CAPSL: variants seen among roughly 807,000 people sequenced by gnomAD.
The protein encoded by CAPSL is calcyphosine like.
CAPSL carries 17 observed loss-of-function variants against 21.3 expected under a neutral mutation model. That is an observed-to-expected ratio of 0.80 (90% CI 0.55 to 1.20). The LOEUF is 1.20. CAPSL is among the 50% of genes most tolerant of loss of function. The pLI, the probability that CAPSL is intolerant of heterozygous loss-of-function variation, is 0.00. For missense variants in CAPSL, 289 were observed against 259.3 expected, an observed-to-expected ratio of 1.11 and a Z score of -0.79; for synonymous variants, 102 against 89.3, an observed-to-expected ratio of 1.14 and a Z score of -0.80.
chr5:35,913,804 T>C (rs1738296953), intron 2 of CAPSL, among the ~76,000 whole-genome samples: 1 of 152,134 alleles, frequency 6.6e-6, no homozygotes, highest in Non-Finnish European at 1.5e-5. Context: ...CATAAACTAA[T>C]GAGCAAAATA....
intron 4 of CAPSL, among the ~76,000 whole-genome samples, chr5:35,906,841 A>T (rs1199719785): frequency 1.3e-5 from 2 of 152,278 alleles, no homozygotes; most frequent in African/African-American, 4.8e-5. Context: ...TGGGCAAAAG[A>T]TAAAGGAAGC....
chr5:35,908,519 C>A (rs1044425851), intron 4 of CAPSL, among the ~76,000 whole-genome samples: 1 of 152,132 alleles, frequency 6.6e-6, no homozygotes, highest in African/African-American at 2.4e-5. Context: ...CTGAGGTTTC[C>A]CCTGGCAATG....
intron 2 of CAPSL, among the ~76,000 whole-genome samples, chr5:35,916,931 C>A (rs1305114093): frequency 1.3e-5 from 2 of 152,092 alleles, no homozygotes; most frequent in African/African-American, 4.8e-5. Flanking sequence ...AAGAGGCAAC[C>A]TACAGAAGGG....
At chr5:35,936,371 C>T (rs1026225598) in intron 1 of CAPSL, among the ~76,000 whole-genome samples, 7 of 152,096 alleles carry the variant, frequency 4.6e-5, no homozygotes, top group East Asian at 1.9e-4. Context: ...TTCATGAATC[C>T]GCTGTGGTCC....
intron 2 of CAPSL, among the ~76,000 whole-genome samples, chr5:35,913,859 T>C (rs1738298302): frequency 6.6e-6 from 1 of 152,080 alleles, no homozygotes; most frequent in Non-Finnish European, 1.5e-5. Context: ...AAGATAACAA[T>C]ATTAACCTGA....
At chr5:35,923,919 T>C (rs558250770) in intron 1 of CAPSL, among the ~76,000 whole-genome samples, 1 of 152,308 alleles carries the variant, frequency 6.6e-6, no homozygotes, top group South Asian at 2.1e-4. Context: ...ATAAAACCCA[T>C]GCACAGATGT....
At chr5:35,928,626 C>T (rs989153454) in intron 1 of CAPSL, among the ~76,000 whole-genome samples, 1 of 152,124 alleles carries the variant, frequency 6.6e-6, no homozygotes, top group African/African-American at 2.4e-5. Context: ...TCCCCCCCAC[C>T]CCCAGGAGAC....
chr5:35,937,531 G>A (rs929311328), intron 1 of CAPSL, among the ~76,000 whole-genome samples: 5 of 152,216 alleles, frequency 3.3e-5, no homozygotes, highest in Middle Eastern at 3.4e-3. Flanking sequence ...ATGATCATGT[G>A]GTGAAGTCCA....
At chr5:35,914,297 C>G (rs951495704) in intron 2 of CAPSL, among the ~76,000 whole-genome samples, 1 of 152,152 alleles carries the variant, frequency 6.6e-6, no homozygotes, top group South Asian at 2.1e-4. Context: ...TTAGACAGAT[C>G]AACGAGACAG....
At chr5:35,921,726 C>T (rs1422869743) in intron 1 of CAPSL, among the ~76,000 whole-genome samples, 1 of 152,158 alleles carries the variant, frequency 6.6e-6, no homozygotes, top group Non-Finnish European at 1.5e-5. Flanking sequence ...CACTTGAGCT[C>T]TCAAAGCTTG....
intron 2 of CAPSL, among the ~76,000 whole-genome samples, chr5:35,920,296 C>A (rs574946079): frequency 6.6e-6 from 1 of 152,306 alleles, no homozygotes; most frequent in East Asian, 1.9e-4. Flanking sequence ...CTTAGTCCTC[C>A]ATGGGGGCTT....
intron 2 of CAPSL, among the ~76,000 whole-genome samples, chr5:35,912,883 A>G (rs897998894): frequency 5.3e-5 from 8 of 152,250 alleles, no homozygotes; most frequent in African/African-American, 1.7e-4. Context: ...AGTTGACAGA[A>G]GAAGACTGCA....
intron 1 of CAPSL, among the ~76,000 whole-genome samples, chr5:35,936,000 C>T (rs1738936932): frequency 6.6e-6 from 1 of 152,144 alleles, no homozygotes; most frequent in Non-Finnish European, 1.5e-5. Context: ...ATTCTTTAAC[C>T]ACAGCTAGGC....
intron 3 of CAPSL, 87 bp downstream of exon 3, chr5:35,910,279 A>G: frequency 1.4e-6 from 2 of 1,427,446 alleles, no homozygotes; most frequent in Non-Finnish European, 1.9e-6. Flanking sequence ...TGTACTAACA[A>G]CTTGTAAAAA....
Position 35,912,088 on chromosome 5 carries a change from G to A in CAPSL, c.138-1545C>T, listed in dbSNP as rs368376864. Among the ~76,000 whole-genome samples, 7 of 152,242 alleles carry A rather than the reference G, an allele frequency of 4.6e-5. No homozygotes were observed. In the East Asian group the frequency reaches 5.8e-4, roughly 13 times the overall value. ...ATCCTGCACCTGGCTCGGAGGATCC[G>A]ACACCCACCGGGCCTCACTCATTGC... is the stretch of plus-strand genomic sequence containing the variant. On this transcript the variant is annotated intron_variant, in intron 2 of 4. Transcript: ENST00000651391.
At chr5:35,927,246 G>A (rs537234548) in intron 1 of CAPSL, among the ~76,000 whole-genome samples, 2 of 152,298 alleles carry the variant, frequency 1.3e-5, no homozygotes, top group South Asian at 2.1e-4. Flanking sequence ...GCCGTCTGCA[G>A]TCCAATTGTT....
chr5:35,934,999 C>T (rs1738908381), intron 1 of CAPSL, among the ~76,000 whole-genome samples: 1 of 152,178 alleles, frequency 6.6e-6, no homozygotes, highest in Non-Finnish European at 1.5e-5. Flanking sequence ...ATTAAGGAAC[C>T]TCACAGATTT....
chr5:35,917,755 T>C (rs1738430647), intron 2 of CAPSL, among the ~76,000 whole-genome samples: 1 of 152,158 alleles, frequency 6.6e-6, no homozygotes, highest in African/African-American at 2.4e-5. Flanking sequence ...TTAGAAGATA[T>C]ACCTAATGCT....
intron 1 of CAPSL, among the ~76,000 whole-genome samples, chr5:35,933,843 C>A (rs765158333): frequency 6.6e-6 from 1 of 152,082 alleles, no homozygotes; most frequent in African/African-American, 2.4e-5. Flanking sequence ...AGAAAATATA[C>A]AAGAATTTTA....
Sources: allele counts gnomAD v4.1 joint callset (sites outside exome capture counted in the v4.1 genomes callset), GRCh38; gene constraint gnomAD v4.1.1; transcripts MANE v1.5; gene names NCBI Gene and HGNC (gene_info 2026-07-23, HGNC 2026-07-21).